The following MYO18B variants were observed in gnomAD, a reference collection of about 807,000 sequenced individuals.
The protein encoded by MYO18B is unconventional myosin-XVIIIb.
MYO18B carries 204 observed loss-of-function variants against 273.0 expected under a neutral mutation model. That is an observed-to-expected ratio of 0.75 (90% CI 0.67 to 0.84). The LOEUF (loss-of-function observed/expected upper bound fraction) is 0.84, where lower values mean the gene tolerates loss of function less well. MYO18B is among the 40% of genes least tolerant of loss of function. The pLI is 0.00. For missense variants in MYO18B, 3,212 were observed against 3,287.6 expected (o/e 0.98, Z 0.56); for synonymous variants, 1,330 against 1,305.7 (o/e 1.02, Z -0.40).
At chr22:25,998,281 T>G (rs754699171) in intron 40 of MYO18B, among the ~76,000 whole-genome samples, 2 of 152,164 alleles carry the variant, frequency 1.3e-5, no homozygotes, top group Non-Finnish European at 2.9e-5. Context: ...TCATTATTCT[T>G]GGAGGGAGGA....
In MYO18B at chr22:25,759,848, G is replaced by A. The variant is rs151317065; in HGVS notation, c.-109-1136G>A. On this transcript the variant is annotated intron_variant, in intron 1 of 43. Transcript: ENST00000335473. ...ATTTATTTGACATTCTCTAGTTATC[G>A]GACTTCATGTCTGCTCTTTCAATGC... 7.9e-5 allele frequency among the ~76,000 whole-genome samples: 12 copies of A among 152,138 alleles called. No homozygotes were observed. The East Asian group carries it at 9.7e-4, about 12-fold the overall frequency.
chr22:25,901,442 A>T (rs2091933304), intron 29 of MYO18B: 3 of 152,120 alleles, frequency 2.0e-5, no homozygotes, highest in Non-Finnish European at 4.4e-5. Context: ...GTGACATAAC[A>T]TCCAGGAGGG....
At chr22:25,863,058 T>G (rs918428203) in intron 21 of MYO18B, among the ~76,000 whole-genome samples, 3 of 152,214 alleles carry the variant, frequency 2.0e-5, no homozygotes, top group Admixed American at 6.5e-5. Flanking sequence ...TATTTTCAAG[T>G]TTGCTGACTC....
At chr22:25,864,382 C>T (rs2090827856) in intron 21 of MYO18B, among the ~76,000 whole-genome samples, 1 of 152,142 alleles carries the variant, frequency 6.6e-6, no homozygotes, top group African/African-American at 2.4e-5. Context: ...ATTTATTAAG[C>T]TCCTTCCTCC....
chr22:25,818,519 C>T (rs1321028664), intron 12 of MYO18B, among the ~76,000 whole-genome samples: 1 of 152,200 alleles, frequency 6.6e-6, no homozygotes, highest in Admixed American at 6.5e-5. Context: ...AAGCCTTTAG[C>T]TCAGTGCCTG....
At chr22:25,880,206 A>T (rs2091300550) in intron 25 of MYO18B, among the ~76,000 whole-genome samples, 1 of 152,208 alleles carries the variant, frequency 6.6e-6, no homozygotes. Flanking sequence ...AGGGGTCACC[A>T]AAACACTCAG....
chr22:25,763,455 C>T, intron 3 of MYO18B, 66 bp downstream of exon 3: 1 of 1,529,208 alleles, frequency 6.5e-7, no homozygotes, highest in Non-Finnish European at 8.8e-7. Flanking sequence ...TTGTGAGCTT[C>T]CTCTGAGTCA....
chr22:25,823,609 C>T lies in MYO18B; in HGVS notation c.2626C>T (p.Arg876Ter), dbSNP rs267606197. 35 of 1,613,824 alleles carry T rather than the reference C, an allele frequency of 2.2e-5. No homozygotes were observed. The highest frequency in any genetic ancestry group is 8.0e-5 in the African/African-American group (6 of 74,888). Residue 876 changes from arginine (R) to a stop codon, truncating the protein, a stop_gained, in exon 13 of 44, where the codon CGA (arginine) becomes TGA (stop). Coordinates refer to ENST00000335473, the MANE Select transcript of MYO18B (RefSeq NM_032608.7). LOFTEE classifies it high-confidence loss of function. ...LNTATFKHHLRQIIQQMTFGP... is the reference protein window; with the variant it reads ...LNTATFKHHL ...CACGGCCACCTTCAAGCACCACCTT[C>T]GACAGATCATCCAGCAAATGACGTT...
intron 40 of MYO18B, among the ~76,000 whole-genome samples, chr22:26,002,384 C>A (rs1391924710): frequency 6.6e-6 from 1 of 152,216 alleles, no homozygotes; most frequent in Non-Finnish European, 1.5e-5. Context: ...AAGACTTGTT[C>A]TTGGTCCAGA....
chr22:25,931,371 A>T (rs886971671), intron 34 of MYO18B, among the ~76,000 whole-genome samples: 1 of 152,206 alleles, frequency 6.6e-6, no homozygotes, highest in Admixed American at 6.5e-5. Flanking sequence ...TTAGTCATGG[A>T]GGGGCCTGTC....
At chr22:25,844,008 C>G in intron 18 of MYO18B, 114 bp downstream of exon 18, 1 of 932,510 alleles carries the variant, frequency 1.1e-6, no homozygotes. Context: ...GCCCAGGAAT[C>G]CCATCCCTCC....
At chr22:26,035,126 T>G (rs536410728), downstream of MYO18B, among the ~76,000 whole-genome samples, 17 of 152,304 alleles carry the variant, frequency 1.1e-4, no homozygotes, top group African/African-American at 4.1e-4. Flanking sequence ...TTGGCCTAAG[T>G]CCAGTTGCTC....
At chr22:25,787,667 A>T (rs141089951) in intron 11 of MYO18B, among the ~76,000 whole-genome samples, 127 of 152,286 alleles carry the variant, frequency 8.3e-4, no homozygotes, top group African/African-American at 2.8e-3. Flanking sequence ...AAACTCATGC[A>T]TGAAACAAGC....
chr22:25,977,059 T>A (rs996436306), intron 39 of MYO18B, among the ~76,000 whole-genome samples: 11 of 152,174 alleles, frequency 7.2e-5, no homozygotes, highest in African/African-American at 2.7e-4. Flanking sequence ...AATTGACATC[T>A]ATTGTAGAGT....
chr22:25,836,858 AG>A (rs1261044772), intron 17 of MYO18B, among the ~76,000 whole-genome samples: 4 of 151,970 alleles, frequency 2.6e-5, no homozygotes, highest in African/African-American at 9.7e-5. Flanking sequence ...GCTACTCGGG[AG>A]GCTGAGGCAG....
chr22:25,973,904 G>A (rs2093061762), intron 39 of MYO18B, among the ~76,000 whole-genome samples: 1 of 152,024 alleles, frequency 6.6e-6, no homozygotes, highest in Non-Finnish European at 1.5e-5. Context: ...CCTGTTTCTG[G>A]GGCAACAAAT....
intron 39 of MYO18B, among the ~76,000 whole-genome samples, chr22:25,966,934 T>C (rs761456165): frequency 6.6e-6 from 1 of 152,212 alleles, no homozygotes; most frequent in Non-Finnish European, 1.5e-5. Context: ...AGATGAGTTA[T>C]CCTGATAATA....
chr22:25,791,413 C>T (rs1248712680), intron 11 of MYO18B, among the ~76,000 whole-genome samples: 1 of 152,022 alleles, frequency 6.6e-6, no homozygotes, highest in Non-Finnish European at 1.5e-5. Flanking sequence ...TGGCCGGGTC[C>T]TCAGAGGCTG....
At chr22:25,932,149 C>A (rs1447130644) in intron 34 of MYO18B, among the ~76,000 whole-genome samples, 1 of 152,160 alleles carries the variant, frequency 6.6e-6, no homozygotes, top group African/African-American at 2.4e-5. Context: ...TTAAAACTTA[C>A]AGAGAAGTTG....
Sources: gnomAD v4.1 joint callset for allele counts (sites outside exome capture counted in the v4.1 genomes callset) on GRCh38, gnomAD v4.1.1 for gene constraint, MANE v1.5 for transcripts, NCBI Gene and HGNC (gene_info 2026-07-23, HGNC 2026-07-21) for gene names.